The following PMS1 variants were observed in gnomAD, a reference collection of about 807,000 sequenced individuals.
PMS1 encodes the protein PMS1 protein homolog 1.
Under a neutral mutation model 93.1 loss-of-function variants are expected in PMS1, and 79 were observed. That is an observed-to-expected ratio of 0.85 (90% CI 0.71 to 1.02). PMS1 has a LOEUF of 1.02. Among genes scored for constraint, PMS1 ranks in the 50% least tolerant of loss-of-function variants. PMS1 has a pLI of 0.00. For missense variants in PMS1, 1,064 were observed against 1,085.3 expected (o/e 0.98, Z 0.28); for synonymous variants, 335 against 363.4 (o/e 0.92, Z 0.89).
chr2:189,812,204 G>C (rs1444783879), intron 4 of PMS1, among the ~76,000 whole-genome samples: 1 of 152,156 alleles, frequency 6.6e-6, no homozygotes, highest in Non-Finnish European at 1.5e-5. Context: ...GGGAGGGTGA[G>C]GCAGGAGAAT....
intron 9 of PMS1, among the ~76,000 whole-genome samples, chr2:189,863,233 T>G (rs756244589): frequency 5.3e-5 from 8 of 151,812 alleles, no homozygotes; most frequent in Non-Finnish European, 1.2e-4. Flanking sequence ...TTGTTGTTGT[T>G]TTTTCTTTTT....
At chr2:189,825,777 C>G (rs1228578184) in intron 5 of PMS1, among the ~76,000 whole-genome samples, 1 of 152,148 alleles carries the variant, frequency 6.6e-6, no homozygotes, top group Non-Finnish European at 1.5e-5. Context: ...GTTTTCCTTC[C>G]TATTCCCACT....
chr2:189,799,539 T>C (rs1404366649), intron 3 of PMS1, among the ~76,000 whole-genome samples: 1 of 152,198 alleles, frequency 6.6e-6, no homozygotes, highest in African/African-American at 2.4e-5. Context: ...TGAAATCATA[T>C]GGTATGTATT....
chr2:189,824,180 T>C (rs2052220724), intron 5 of PMS1, among the ~76,000 whole-genome samples: 4 of 152,098 alleles, frequency 2.6e-5, no homozygotes, highest in Admixed American at 1.3e-4. Flanking sequence ...TCTACCTTGA[T>C]TTTTTTCTTT....
At chr2:189,875,322 T>A (rs1390110627) in intron 12 of PMS1, among the ~76,000 whole-genome samples, 1 of 151,554 alleles carries the variant, frequency 6.6e-6, no homozygotes, top group African/African-American at 2.4e-5. Flanking sequence ...CACCTGTGGA[T>A]ACTAAAATCC....
intron 5 of PMS1, among the ~76,000 whole-genome samples, chr2:189,842,023 TC>T (rs1261258529): frequency 6.6e-6 from 1 of 150,920 alleles, no homozygotes; most frequent in African/African-American, 2.4e-5. Context: ...CCTCGTTATT[TC>T]CCTGTCTGCT....
At position 189,852,663 on chromosome 2, in the gene PMS1, CAG is replaced by C. The variant is rs1436695391; in HGVS notation, c.709_710del (p.Ser237TrpfsTer7). 6.2e-7 allele frequency: 1 copy of C among 1,606,034 alleles called. No individual in the cohort carries two copies. The highest frequency in any genetic ancestry group is 1.7e-5 in the Admixed American group (1 of 59,984). On this transcript the variant is annotated frameshift_variant, in exon 7 of 13. Transcript: ENST00000441310. LOFTEE classifies it high-confidence loss of function. ...YHSEESQIYLSGFLPKCDADH... is the reference protein window; with the variant it reads ...YHSEESQIYLXGFLPKCDADH... ...CTGTAATTATTATATAGATTTATCT[CAG>C]TGGATTTCTTCCAAAGTGTGATGCA...
At chr2:189,824,161 A>G (rs193243758) in intron 5 of PMS1, among the ~76,000 whole-genome samples, 16 of 152,286 alleles carry the variant, frequency 1.1e-4, no homozygotes, top group Non-Finnish European at 1.3e-4. Context: ...AAACCTCAGC[A>G]TATGTGTTTC....
At chr2:189,813,002 G>A (rs893502714) in intron 4 of PMS1, among the ~76,000 whole-genome samples, 6 of 152,160 alleles carry the variant, frequency 3.9e-5, no homozygotes, top group African/African-American at 1.4e-4. Context: ...AAATTAACTA[G>A]TAGGATTAAT....
At chr2:189,809,621 A>G (rs2050662186) in intron 4 of PMS1, among the ~76,000 whole-genome samples, 2 of 152,024 alleles carry the variant, frequency 1.3e-5, no homozygotes, top group Admixed American at 6.6e-5. Context: ...CAAGGCAGGC[A>G]GATCTTGAGG....
chr2:189,845,954 C>T (rs1343003600), intron 6 of PMS1, among the ~76,000 whole-genome samples: 1 of 152,200 alleles, frequency 6.6e-6, no homozygotes, highest in Admixed American at 6.5e-5. Flanking sequence ...AAACTCCTGA[C>T]CTCAAGTGAT....
At chr2:189,867,000 A>T (rs536929272) in intron 10 of PMS1, among the ~76,000 whole-genome samples, 1 of 152,318 alleles carries the variant, frequency 6.6e-6, no homozygotes, top group East Asian at 1.9e-4. Flanking sequence ...ATTAGCTCTC[A>T]CAGCCATTGG....
chr2:189,843,467 G>T (rs2053986314), intron 5 of PMS1, among the ~76,000 whole-genome samples: 1 of 152,168 alleles, frequency 6.6e-6, no homozygotes, highest in East Asian at 1.9e-4. Flanking sequence ...AATTAAGAAT[G>T]CTCTTTCCGA....
intron 3 of PMS1, among the ~76,000 whole-genome samples, chr2:189,796,404 A>G (rs976323493): frequency 1.3e-5 from 2 of 152,196 alleles, no homozygotes; most frequent in Non-Finnish European, 2.9e-5. Context: ...CATTTTAATT[A>G]TTTTTAAATG....
chr2:189,809,460 T>C (rs955847517), intron 4 of PMS1, among the ~76,000 whole-genome samples: 1 of 147,452 alleles, frequency 6.8e-6, no homozygotes, highest in Non-Finnish European at 1.5e-5. Context: ...TTTTTTTTTT[T>C]TTTTTTTTTT....
chr2:189,868,403 C>T (rs2056854535), intron 11 of PMS1, among the ~76,000 whole-genome samples: 1 of 152,162 alleles, frequency 6.6e-6, no homozygotes, highest in East Asian at 1.9e-4. Context: ...TGGTAAAAGA[C>T]TGATAACCCT....
intron 2 of PMS1, among the ~76,000 whole-genome samples, chr2:189,794,334 C>CA (rs1296132872): frequency 5.5e-4 from 84 of 152,120 alleles, no homozygotes; most frequent in Admixed American, 5.5e-3. Flanking sequence ...AGGCTGGTCT[C>CA]AAACTCCTGA....
chr2:189,877,137 G>A, intron 12 of PMS1, 135 bp from the exon 13 acceptor site: 1 of 740,124 alleles, frequency 1.4e-6, no homozygotes, highest in Non-Finnish European at 2.2e-6. Context: ...CAACATAGTT[G>A]ATACTTAATA....
intron 9 of PMS1, among the ~76,000 whole-genome samples, chr2:189,861,422 A>G (rs903775099): frequency 8.2e-5 from 12 of 146,892 alleles, no homozygotes; most frequent in African/African-American, 2.8e-4. Context: ...TTTTAATGAT[A>G]TAGCCAAATT....
Sources: gnomAD v4.1 joint callset for allele counts (sites outside exome capture counted in the v4.1 genomes callset) on GRCh38, gnomAD v4.1.1 for gene constraint, MANE v1.5 for transcripts, NCBI Gene and HGNC (gene_info 2026-07-23, HGNC 2026-07-21) for gene names.